The following PDIA6 variants were observed in gnomAD, a reference collection of about 807,000 sequenced individuals.
The protein encoded by PDIA6 is protein disulfide-isomerase A6.
In PDIA6, 29 loss-of-function variants were observed where a neutral mutation model predicts 58.4. The ratio of observed to expected loss-of-function variants is 0.50; its 90% confidence interval spans 0.37 to 0.68. PDIA6 has a LOEUF of 0.68. PDIA6 is among the 30% of genes least tolerant of loss of function. PDIA6 has a pLI of 0.00. For missense variants in PDIA6, 480 were observed against 551.0 expected (o/e 0.87, Z 1.29); for synonymous variants, 192 against 202.6 (o/e 0.95, Z 0.44).
Position 10,784,335 on chromosome 2 carries a change from C to T in PDIA6, c.1255-9G>A, listed in dbSNP as rs747146777. On this transcript the variant is annotated splice_polypyrimidine_tract_variant and intron_variant, in intron 12 of 12. Coordinates refer to ENST00000272227, the MANE Select transcript of PDIA6 (RefSeq NM_005742.4). ...TCATCCTCCACGGGAAGCTGGGAGA[C>T]GACAGAAAGCCACTGTTAGATCTGC... The T allele has an allele frequency of 1.8e-5, 29 of 1,610,322 alleles. No homozygotes were observed. Among genetic ancestry groups the T allele is most frequent in the Middle Eastern group, 1.6e-4 (1 of 6,074 alleles).
chr2:10,826,417 T>A (rs917975148), intron 1 of PDIA6, among the ~76,000 whole-genome samples: 3 of 152,088 alleles, frequency 2.0e-5, no homozygotes, highest in African/African-American at 7.2e-5. Context: ...TGGAGTGCAA[T>A]GGCGCAGTCT....
upstream of PDIA6, among the ~76,000 whole-genome samples, chr2:10,816,461 G>A (rs1667197946): frequency 6.7e-6 from 1 of 148,818 alleles, no homozygotes; most frequent in Non-Finnish European, 1.5e-5. Flanking sequence ...CAGGTGTTGG[G>A]TTAAATTATC....
chr2:10,813,027 C>T (rs576047635), upstream of PDIA6, among the ~76,000 whole-genome samples: 13 of 152,220 alleles, frequency 8.5e-5, no homozygotes, highest in South Asian at 2.1e-3. Context: ...CTCAGCTCCT[C>T]CGGGCCCTCT....
chr2:10,820,845 T>C, intron 1 of PDIA6: 1 of 702,948 alleles, frequency 1.4e-6, no homozygotes, highest in Non-Finnish European at 2.6e-6. Context: ...CACAAGCTTC[T>C]CCCGGAGGTC....
intron 1 of PDIA6, among the ~76,000 whole-genome samples, chr2:10,809,668 A>AAAAAAAAAC (rs1558454605): frequency 1.5e-5 from 2 of 130,210 alleles, no homozygotes; most frequent in African/African-American, 2.7e-5. Flanking sequence ...AAAAAAAAAA[A>AAAAAAAAAC]AAAACCCAAA....
rs144763481 is a variant in PDIA6 at position 10,820,212 on chromosome 2, G to A, written c.-47-858C>T. ...AGAGAATAGCTCTCTGTTATAGAAGGGGGTCCCGGAAAAATGGGTTGTTGA... is the reference window on the plus strand; with the variant it reads ...AGAGAATAGCTCTCTGTTATAGAAGAGGGTCCCGGAAAAATGGGTTGTTGA... On this transcript the variant is annotated intron_variant, in intron 1 of 13. Coordinates refer to the PDIA6 transcript ENST00000381611. Among the ~76,000 whole-genome samples the A allele has an allele frequency of 7.9e-5, 12 of 152,292 alleles. No homozygotes were observed. In the East Asian group the frequency reaches 1.9e-3, roughly 24 times the overall value.
chr2:10,813,182 C>T (rs1016242871), upstream of PDIA6, among the ~76,000 whole-genome samples: 3 of 152,222 alleles, frequency 2.0e-5, no homozygotes, highest in African/African-American at 7.2e-5. Context: ...TCAGGGCACC[C>T]ACGGTCCTGG....
intron 1 of PDIA6, chr2:10,820,683 A>C: frequency 1.5e-6 from 1 of 684,774 alleles, no homozygotes; most frequent in Non-Finnish European, 2.7e-6. Context: ...TGTCCTCACT[A>C]TCTGTCTAAA....
intron 2 of PDIA6, among the ~76,000 whole-genome samples, chr2:10,818,357 G>A (rs1237133285): frequency 1.3e-5 from 2 of 151,324 alleles, no homozygotes; most frequent in Non-Finnish European, 2.9e-5. Context: ...TTGTAGAGAT[G>A]GGGTTTTACT....
At chr2:10,796,583 T>A (rs1734341) in intron 4 of PDIA6, among the ~76,000 whole-genome samples, 74,320 of 151,856 alleles carry the variant, frequency 0.49, 19,751 homozygotes, top group South Asian at 0.58. Flanking sequence ...CCTGAATTCT[T>A]TCTTTAGTTG....
chr2:10,801,592 A>G (rs1202472261), intron 2 of PDIA6, among the ~76,000 whole-genome samples: 1 of 152,224 alleles, frequency 6.6e-6, no homozygotes, highest in African/African-American at 2.4e-5. Context: ...TATATACCAG[A>G]GCCTTTAAAA....
At chr2:10,818,949 T>G (rs1166350806) in intron 2 of PDIA6, among the ~76,000 whole-genome samples, 3 of 152,110 alleles carry the variant, frequency 2.0e-5, no homozygotes, top group Admixed American at 2.0e-4. Flanking sequence ...CAAATCCTCA[T>G]TCCCCCTCCC....
At chr2:10,785,054 C>A in intron 11 of PDIA6, 24 bp from the exon 12 acceptor site, 2 of 1,443,380 alleles carry the variant, frequency 1.4e-6, no homozygotes, top group Non-Finnish European at 1.9e-6. Context: ...GACCAAAACA[C>A]ACACACACAT....
chr2:10,834,224 C>T (rs941882953), upstream of PDIA6, among the ~76,000 whole-genome samples: 5 of 152,238 alleles, frequency 3.3e-5, no homozygotes, highest in South Asian at 2.1e-4. Flanking sequence ...TTTCAGGCTG[C>T]GCTTCTGAGC....
At chr2:10,831,161 G>C (rs1346954128) in intron 1 of PDIA6, among the ~76,000 whole-genome samples, 1 of 152,242 alleles carries the variant, frequency 6.6e-6, no homozygotes, top group Non-Finnish European at 1.5e-5. Flanking sequence ...TGGAGCCGCA[G>C]ATGAGTCTAC....
At chr2:10,794,707 T>C (rs1572662411) in intron 4 of PDIA6, among the ~76,000 whole-genome samples, 1 of 151,896 alleles carries the variant, frequency 6.6e-6, no homozygotes, top group Non-Finnish European at 1.5e-5. Flanking sequence ...GGCAGGCGGA[T>C]CATGAGGTCA....
chr2:10,813,397 T>A (rs1206622710), upstream of PDIA6, among the ~76,000 whole-genome samples: 1 of 152,218 alleles, frequency 6.6e-6, no homozygotes, highest in African/African-American at 2.4e-5. Context: ...GCCTCCTCGC[T>A]GACAGGGTCT....
intron 1 of PDIA6, among the ~76,000 whole-genome samples, chr2:10,830,766 G>A (rs896121176): frequency 6.6e-6 from 1 of 152,322 alleles, no homozygotes; most frequent in Non-Finnish European, 1.5e-5. Context: ...CTGCGCGGGC[G>A]TGGCTGTGCC....
rs552101281 is a variant in PDIA6, at chr2:10,789,970, C to T, written c.700-81G>A. 8.6e-6 allele frequency: 11 copies of T among 1,277,870 alleles called. No homozygotes were observed. The East Asian group carries it at 2.7e-4, about 31-fold the overall frequency. The allele number at this position is 1,277,870 out of a possible 1,614,324, so 79.2% of individuals were successfully genotyped here. On this transcript the variant is annotated intron_variant, in intron 7 of 12. Coordinates refer to ENST00000272227, the MANE Select transcript of PDIA6 (RefSeq NM_005742.4). ...CAATCTTTACAGTTTCTAAAACCAC[C>T]TTATAGGTAATTTTTTTTTTTTTTT... is the stretch of plus-strand genomic sequence containing the variant.
Sources: gnomAD v4.1 joint callset for allele counts (sites outside exome capture counted in the v4.1 genomes callset) on GRCh38, gnomAD v4.1.1 for gene constraint, MANE v1.5 for transcripts, NCBI Gene and HGNC (gene_info 2026-07-23, HGNC 2026-07-21) for gene names.